Variants in PARD3B observed in about 807,000 individuals in gnomAD.
PARD3B encodes partitioning defective 3 homolog B.
In PARD3B, 103 loss-of-function variants were observed where a neutral mutation model predicts 130.2. The observed-to-expected ratio is 0.79, with a 90% CI of 0.67 to 0.93. The LOEUF (loss-of-function observed/expected upper bound fraction) is 0.93, where lower values mean the gene tolerates loss of function less well. Among genes scored for constraint, PARD3B ranks in the 40% least tolerant of loss-of-function variants. The probability of loss-of-function intolerance (pLI) is 0.00; values close to 1 mark genes in which losing one functional copy is unlikely to be tolerated. For missense variants in PARD3B, 1,609 were observed against 1,499.2 expected (o/e 1.07, Z -1.21); for synonymous variants, 583 against 553.2 (o/e 1.05, Z -0.76).
chr2:204,867,003 A>C (rs531243347), intron 2 of PARD3B, among the ~76,000 whole-genome samples: 1 of 152,150 alleles, frequency 6.6e-6, no homozygotes, highest in African/African-American at 2.4e-5. Flanking sequence ...CAGGATGCAG[A>C]GGTTGCAATG....
intron 2 of PARD3B, among the ~76,000 whole-genome samples, chr2:204,776,364 G>A (rs952358241): frequency 1.3e-5 from 2 of 152,106 alleles, no homozygotes; most frequent in African/African-American, 4.8e-5. Flanking sequence ...ATTGAAAATA[G>A]ATTCTGGATG....
chr2:204,641,029 CTATAT>C (rs1459920607), intron 1 of PARD3B, among the ~76,000 whole-genome samples: 6 of 147,076 alleles, frequency 4.1e-5, no homozygotes, highest in Non-Finnish European at 6.0e-5. Flanking sequence ...TATATATTTA[CTATAT>C]TATATGTTAT....
intron 2 of PARD3B, among the ~76,000 whole-genome samples, chr2:204,897,687 T>A (rs554454401): frequency 7.9e-5 from 12 of 152,194 alleles, no homozygotes; most frequent in African/African-American, 2.9e-4. Context: ...TTGTTAAAAT[T>A]CTCATGTTTG....
At chr2:205,282,516 TATATGTACACACACACATATA>T (rs2041229039) in intron 16 of PARD3B, among the ~76,000 whole-genome samples, 2 of 137,190 alleles carry the variant, frequency 1.5e-5, no homozygotes, top group African/African-American at 2.5e-5. Context: ...TGTATATATA[TATATGTACACACACACATATA>T]TATTTAAATT....
chr2:205,073,116 TG>T (rs1700839927), intron 4 of PARD3B, among the ~76,000 whole-genome samples: 1 of 152,212 alleles, frequency 6.6e-6, no homozygotes, highest in African/African-American at 2.4e-5. Flanking sequence ...ACTAAGATTT[TG>T]TTTTTTGGTT....
At chr2:204,839,502 C>T (rs1448330735) in intron 2 of PARD3B, among the ~76,000 whole-genome samples, 3 of 152,080 alleles carry the variant, frequency 2.0e-5, no homozygotes, top group South Asian at 2.1e-4. Flanking sequence ...AGCTTTGTGG[C>T]GACTTCTTCA....
rs2035947676 is a variant in PARD3B, at chr2:204,664,612, T to C, written c.121-21569T>C. ...AAATGGATCCTGGGTTTTAAGGAAA[T>C]TTCCTTTTAAGCACATTTTGGCTCT... On this transcript the variant is annotated intron_variant, in intron 1 of 22. Coordinates refer to ENST00000406610, the MANE Select transcript of PARD3B (RefSeq NM_001302769.2). The surrounding 1 kb of genome is among the most constrained non-coding windows in gnomAD (Gnocchi z 5.2). Among the ~76,000 whole-genome samples the C allele has an allele frequency of 6.6e-6, 1 of 152,210 alleles. No individual in the cohort carries two copies. Among genetic ancestry groups the C allele is most frequent in the Non-Finnish European group, 1.5e-5 (1 of 68,046 alleles).
rs533105156 is a variant in PARD3B, at chr2:205,564,740, C to A, written c.3260+11337C>A. Among the ~76,000 whole-genome samples, 1 of 152,180 alleles carries A rather than the reference C, an allele frequency of 6.6e-6. No homozygotes were observed. The highest frequency in any genetic ancestry group is 2.4e-5 in the African/African-American group (1 of 41,446). The stretch of plus-strand genomic sequence containing the variant: ...TGGATCTCATGTGACACAGGCCCCA[C>A]GACCTCGATCATTCTGCCAAGAAAC... On this transcript the variant is annotated intron_variant, in intron 22 of 22. Coordinates refer to ENST00000406610, the MANE Select transcript of PARD3B (RefSeq NM_001302769.2). The surrounding 1 kb of genome is among the most constrained non-coding windows in gnomAD (Gnocchi z 4.6).
chr2:204,844,664 G>A (rs934970066), intron 2 of PARD3B, among the ~76,000 whole-genome samples: 1 of 152,130 alleles, frequency 6.6e-6, no homozygotes, highest in African/African-American at 2.4e-5. Context: ...ATAGGAGTCA[G>A]GAAGCATTGA....
At chr2:205,024,738 GA>G (rs1283487042) in intron 3 of PARD3B, among the ~76,000 whole-genome samples, 3 of 152,132 alleles carry the variant, frequency 2.0e-5, no homozygotes, top group African/African-American at 7.2e-5. Context: ...TTTGTTTCCA[GA>G]GCAGATTATG....
intron 15 of PARD3B, among the ~76,000 whole-genome samples, chr2:205,242,154 G>A (rs1034713001): frequency 1.1e-4 from 17 of 152,114 alleles, no homozygotes; most frequent in Non-Finnish European, 2.2e-4. Context: ...CCTAAAGATA[G>A]ACATCTGTGT....
Position 205,351,785 on chromosome 2 carries a change from T to C in PARD3B, c.2631-49228T>C, listed in dbSNP as rs990828825. Among the ~76,000 whole-genome samples, 3 of 135,980 alleles carry C rather than the reference T, an allele frequency of 2.2e-5. No individual in the cohort carries two copies. The highest frequency in any genetic ancestry group is 1.7e-4 in the Admixed American group (2 of 11,734). The allele number at this position is 135,980 out of a possible 152,430, so 89.2% of individuals were successfully genotyped here. ...CACCAGATTATTAAAGTAAGTGTAA[T>C]GTAGGGCAGAAACAAGAAAAAAAAA... On this transcript the variant is annotated intron_variant, in intron 18 of 22. Transcript: ENST00000406610. This position sits in a 1 kb window ranked among gnomAD's most constrained non-coding sequence, Gnocchi z 4.2.
intron 19 of PARD3B, among the ~76,000 whole-genome samples, chr2:205,430,749 A>C (rs1380096419): frequency 6.6e-6 from 1 of 152,238 alleles, no homozygotes; most frequent in Non-Finnish European, 1.5e-5. Flanking sequence ...CATGGAAAAA[A>C]TAAAAAGCAA....
intron 15 of PARD3B, among the ~76,000 whole-genome samples, chr2:205,203,906 T>C (rs766394124): frequency 2.0e-5 from 3 of 152,224 alleles, no homozygotes; most frequent in Non-Finnish European, 4.4e-5. Flanking sequence ...AGTGCCGCAA[T>C]AAACATACGT....
Position 204,828,054 on chromosome 2 carries a change from A to G in PARD3B, c.223-137098A>G, listed in dbSNP as rs773589310. Among the ~76,000 whole-genome samples, 3 of 152,260 alleles carry G rather than the reference A, an allele frequency of 2.0e-5. No homozygotes were observed. In the Middle Eastern group the frequency reaches 0.01, roughly 518 times the overall value. On this transcript the variant is annotated intron_variant, in intron 2 of 22. Transcript: ENST00000406610. The stretch of plus-strand genomic sequence containing the variant: ...GACACCATCTGCCCCGGTCCAGTGT[A>G]GAGCGTAAAATGTAGTGCATCTGAA...
intron 2 of PARD3B, among the ~76,000 whole-genome samples, chr2:204,918,652 A>C (rs1444760153): frequency 6.6e-6 from 1 of 151,734 alleles, no homozygotes; most frequent in Non-Finnish European, 1.5e-5. Flanking sequence ...AAAAAAGAAA[A>C]TGCTTTTTTT....
intron 16 of PARD3B, among the ~76,000 whole-genome samples, chr2:205,252,931 T>C (rs1174773091): frequency 2.2e-5 from 3 of 136,016 alleles, no homozygotes; most frequent in Admixed American, 1.6e-4. Flanking sequence ...TGATTAGCAA[T>C]GGAAGGGGAA....
At chr2:205,419,177 A>C (rs1419101681) in intron 19 of PARD3B, among the ~76,000 whole-genome samples, 1 of 152,070 alleles carries the variant, frequency 6.6e-6, no homozygotes, top group Non-Finnish European at 1.5e-5. Context: ...GAGGTATTTG[A>C]ATCATGGGGG....
At chr2:205,598,473 A>G (rs1487448234) in intron 22 of PARD3B, among the ~76,000 whole-genome samples, 1 of 152,182 alleles carries the variant, frequency 6.6e-6, no homozygotes, top group African/African-American at 2.4e-5. Context: ...ATAAAAATAA[A>G]TTCTTAGAGA....
Sources: gnomAD v4.1 joint callset for allele counts (sites outside exome capture counted in the v4.1 genomes callset) on GRCh38, gnomAD v4.1.1 for gene constraint, Gnocchi (gnomAD v3.1) non-coding constraint, MANE v1.5 for transcripts, NCBI Gene and HGNC (gene_info 2026-07-23, HGNC 2026-07-21) for gene names.